Variants in CNTN4 observed in about 807,000 individuals in gnomAD.
The protein encoded by CNTN4 is contactin-4.
CNTN4 carries 77 observed loss-of-function variants against 122.5 expected under a neutral mutation model. That is an observed-to-expected ratio of 0.63 (90% confidence interval 0.52 to 0.76). CNTN4 has a LOEUF of 0.76. CNTN4 is among the 30% of genes least tolerant of loss of function. CNTN4 has a pLI of 0.00. For missense variants in CNTN4, 1,256 were observed against 1,259.1 expected (o/e 1.00, Z 0.04); for synonymous variants, 512 against 447.0 (o/e 1.15, Z -1.83).
rs1452182393 is a variant in CNTN4, at chr3:2,720,137, G to A, written c.56-16078G>A. On this transcript the variant is annotated intron_variant, in intron 4 of 24. Transcript: ENST00000418658. ...TGTACAGAATGCTTTGAAAGCAGAA[G>A]GAAAGGCCATTTCATTATAGGGAAT... Among the ~76,000 whole-genome samples, 2 of 151,964 alleles carry A rather than the reference G, an allele frequency of 1.3e-5. 1 individual carries two copies. The highest frequency in any genetic ancestry group is 3.9e-4 in the East Asian group (2 of 5,184).
Position 2,413,423 on chromosome 3 carries a change from T to C in CNTN4, c.-89+74190T>C, listed in dbSNP as rs188390537. Among the ~76,000 whole-genome samples, 139 of 152,336 alleles carry C rather than the reference T, an allele frequency of 9.1e-4. 1 individual carries two copies. The highest frequency in any genetic ancestry group is 3.2e-3 in the African/African-American group (135 of 41,582). On this transcript the variant is annotated intron_variant, in intron 3 of 24. Transcript: ENST00000418658. ...GATATTGGGAAAATGGTGTTAAGTGTGAAAGAAAGACAGCCATCTAATTTG... is the reference window on the plus strand; with the variant it reads ...GATATTGGGAAAATGGTGTTAAGTGCGAAAGAAAGACAGCCATCTAATTTG...
chr3:2,442,334 ATGGG>A (rs2048470624), intron 3 of CNTN4, among the ~76,000 whole-genome samples: 2 of 152,190 alleles, frequency 1.3e-5, no homozygotes, highest in South Asian at 4.1e-4. Flanking sequence ...ACACATTATT[ATGGG>A]AACTGTAAAG....
intron 2 of CNTN4, among the ~76,000 whole-genome samples, chr3:2,290,008 G>C (rs918392597): frequency 6.6e-6 from 1 of 152,104 alleles, no homozygotes; most frequent in Non-Finnish European, 1.5e-5. Flanking sequence ...TCCCATCTTA[G>C]GGTGTACCTT....
At chr3:2,409,231 C>A (rs1214627199) in intron 3 of CNTN4, among the ~76,000 whole-genome samples, 1 of 148,478 alleles carries the variant, frequency 6.7e-6, no homozygotes, top group African/African-American at 2.5e-5. Context: ...TGAGTAATTT[C>A]TAGGTATCTT....
At chr3:2,508,692 G>GT (rs2076801344) in intron 3 of CNTN4, among the ~76,000 whole-genome samples, 1 of 152,110 alleles carries the variant, frequency 6.6e-6, no homozygotes, top group African/African-American at 2.4e-5. Context: ...AACAATCTCT[G>GT]TATACATTTT....
intron 4 of CNTN4, among the ~76,000 whole-genome samples, chr3:2,633,069 C>T (rs574714253): frequency 2.0e-5 from 3 of 151,244 alleles, no homozygotes; most frequent in African/African-American, 4.8e-5. Flanking sequence ...ATCTGCCTTT[C>T]GCTTCAAGTT....
At chr3:2,992,828 G>A (rs1207833754) in intron 14 of CNTN4, among the ~76,000 whole-genome samples, 1 of 152,142 alleles carries the variant, frequency 6.6e-6, no homozygotes, top group African/African-American at 2.4e-5. Flanking sequence ...GGGAAACACT[G>A]TCCTACACCA....
rs550192589 is a variant in CNTN4 at position 2,827,989 on chromosome 3, A to G, written c.454+8408A>G. Among the ~76,000 whole-genome samples the G allele has an allele frequency of 5.3e-5, 8 of 152,330 alleles. No homozygotes were observed. In the East Asian group the frequency reaches 1.3e-3, roughly 26 times the overall value. The stretch of plus-strand genomic sequence containing the variant: ...TTAATTGTCATAAAAAGCTATAAGA[A>G]TAGTGCTGTAAGTATTGATCACCTT... On this transcript the variant is annotated intron_variant, in intron 7 of 24. Transcript: ENST00000418658.
intron 4 of CNTN4, among the ~76,000 whole-genome samples, chr3:2,660,445 A>T (rs2083830004): frequency 6.6e-6 from 1 of 152,190 alleles, no homozygotes; most frequent in South Asian, 2.1e-4. Context: ...TTCACTTTGA[A>T]TAAATTTTCT....
intron 10 of CNTN4, among the ~76,000 whole-genome samples, chr3:2,900,435 G>T (rs2094160738): frequency 6.6e-6 from 1 of 152,136 alleles, no homozygotes; most frequent in Non-Finnish European, 1.5e-5. Context: ...AGTTAATTTT[G>T]CCATATGGAT....
chr3:2,377,482 T>G (rs908343724), intron 3 of CNTN4, among the ~76,000 whole-genome samples: 19 of 152,206 alleles, frequency 1.2e-4, no homozygotes, highest in Admixed American at 1.1e-3. Context: ...AGCTTTCCTC[T>G]CTAGAGATCT....
At chr3:2,815,334 T>C (rs1559534135) in intron 6 of CNTN4, among the ~76,000 whole-genome samples, 1 of 152,184 alleles carries the variant, frequency 6.6e-6, no homozygotes, top group South Asian at 2.1e-4. Context: ...CTTCGTCATC[T>C]ATACATCTGA....
chr3:2,608,455 G>A (rs1025712487), intron 4 of CNTN4, among the ~76,000 whole-genome samples: 5 of 141,584 alleles, frequency 3.5e-5, no homozygotes, highest in African/African-American at 1.2e-4. Context: ...GTGAGACGCT[G>A]TCTGTTTAAA....
intron 23 of CNTN4, among the ~76,000 whole-genome samples, chr3:3,044,804 G>A (rs1251203965): frequency 6.6e-6 from 1 of 152,204 alleles, no homozygotes; most frequent in African/African-American, 2.4e-5. Context: ...GCTGAAGCAG[G>A]GCGAGGCATC....
intron 2 of CNTN4, among the ~76,000 whole-genome samples, chr3:2,335,661 C>G (rs547730733): frequency 7.3e-5 from 11 of 151,144 alleles, no homozygotes; most frequent in Admixed American, 2.0e-4. Flanking sequence ...TCTGTTCATG[C>G]TGGCTAACCT....
At chr3:2,682,824 T>C (rs1424618492) in intron 4 of CNTN4, among the ~76,000 whole-genome samples, 2 of 152,146 alleles carry the variant, frequency 1.3e-5, no homozygotes, top group Admixed American at 1.3e-4. Context: ...CATCACTTAA[T>C]CCAACAAAAG....
intron 6 of CNTN4, among the ~76,000 whole-genome samples, chr3:2,766,813 C>T (rs1435795734): frequency 6.6e-6 from 1 of 152,162 alleles, no homozygotes; most frequent in Non-Finnish European, 1.5e-5. Context: ...ATTAAGGACA[C>T]ATTCGCCATA....
chr3:2,601,281 C>G (rs1433196151), intron 4 of CNTN4, among the ~76,000 whole-genome samples: 1 of 152,150 alleles, frequency 6.6e-6, no homozygotes, highest in Non-Finnish European at 1.5e-5. Flanking sequence ...TTGCCCATGC[C>G]TATGTTCTGA....
chr3:2,642,770 C>T (rs1462548000), intron 4 of CNTN4, among the ~76,000 whole-genome samples: 1 of 152,152 alleles, frequency 6.6e-6, no homozygotes, highest in Non-Finnish European at 1.5e-5. Flanking sequence ...ATTTTTCTGT[C>T]CTTCTGTCTT....
Sources: gnomAD v4.1 joint callset for allele counts (sites outside exome capture counted in the v4.1 genomes callset) on GRCh38, gnomAD v4.1.1 for gene constraint, MANE v1.5 for transcripts, NCBI Gene and HGNC (gene_info 2026-07-23, HGNC 2026-07-21) for gene names.